KCNG2: variants seen among roughly 807,000 people sequenced by gnomAD.
KCNG2 encodes voltage-gated potassium channel regulatory subunit KCNG2.
KCNG2 carries 7 observed loss-of-function variants against 12.3 expected under a neutral mutation model. That is an observed-to-expected ratio of 0.57 (90% CI 0.32 to 1.07). The LOEUF is 1.07. Ranked by LOEUF, KCNG2 falls within the 50% of genes least tolerant of loss-of-function variation. KCNG2 has a pLI of 0.04. For missense variants in KCNG2, 703 were observed against 726.0 expected (o/e 0.97, Z 0.36); for synonymous variants, 414 against 351.4 (o/e 1.18, Z -1.99).
intron 3 of KCNG2, among the ~76,000 whole-genome samples, chr18:79,874,764 T>C (rs3809931): frequency 0.13 from 20,067 of 152,176 alleles, 2,483 homozygotes; most frequent in African/African-American, 0.32. Context: ...CCGGCCCAGG[T>C]GCGGTGGTGG....
chr18:79,864,015 G>A lies in KCNG2; in HGVS notation c.348G>A (p.Glu116=). 3 of 1,173,594 alleles carry A rather than the reference G, an allele frequency of 2.6e-6. No individual in the cohort carries two copies. The highest frequency in any genetic ancestry group is 1.1e-6 in the Non-Finnish European group (1 of 949,340). The allele number at this position is 1,173,594 out of a possible 1,614,324, so 72.7% of individuals were successfully genotyped here. The change falls in exon 3 of 4, where the codon GAG becomes GAA. Residue 116 remains glutamate (E), a synonymous_variant. Coordinates refer to ENST00000316249, the MANE Select transcript of KCNG2 (RefSeq NM_012283.2). ...AYWGIDEARL[E]RCCLRRLRRR... is the part of the protein sequence containing the mutation. ...GGGGCATCGACGAGGCGCGCCTGGA[G>A]CGCTGCTGCCTGCGCCGCCTGCGCC... is the stretch of plus-strand genomic sequence containing the variant.
intron 1 of KCNG2, among the ~76,000 whole-genome samples, chr18:79,829,136 G>A (rs1015020690): frequency 4.1e-5 from 6 of 145,464 alleles, no homozygotes; most frequent in African/African-American, 1.5e-4. Context: ...GCATGTGTCT[G>A]TGTGTGGGTG....
chr18:79,838,856 T>A (rs1978377676), intron 1 of KCNG2, among the ~76,000 whole-genome samples: 1 of 152,154 alleles, frequency 6.6e-6, no homozygotes, highest in South Asian at 2.1e-4. Context: ...ATGTACAATC[T>A]CAGGTCCCAC....
chr18:79,863,532 A>G, intron 2 of KCNG2, 96 bp from the exon 3 acceptor site: 1 of 998,364 alleles, frequency 1.0e-6, no homozygotes, highest in Non-Finnish European at 1.3e-6. Context: ...CTCACCTCCG[A>G]GGGTTCGGTG....
At chr18:79,881,508 A>C (rs1001208223) in intron 3 of KCNG2, among the ~76,000 whole-genome samples, 2 of 152,260 alleles carry the variant, frequency 1.3e-5, no homozygotes, top group Non-Finnish European at 2.9e-5. Context: ...TAATAGCACC[A>C]AAAACCATGA....
At chr18:79,890,875 A>G (rs1457374144) in intron 3 of KCNG2, among the ~76,000 whole-genome samples, 1 of 152,018 alleles carries the variant, frequency 6.6e-6, no homozygotes, top group Middle Eastern at 3.2e-3. Flanking sequence ...CTGCTTTATC[A>G]CCCTTTTTAT....
At chr18:79,829,110 C>T (rs1257483151) in intron 1 of KCNG2, among the ~76,000 whole-genome samples, 5 of 109,816 alleles carry the variant, frequency 4.6e-5, no homozygotes, top group East Asian at 2.8e-4. Flanking sequence ...GTGTGTGTAA[C>T]ATGTCCATGA....
Position 79,822,252 on chromosome 18 carries a change from G to T in KCNG2, c.-115+24238G>T, listed in dbSNP as rs2087576182. 6.6e-6 allele frequency among the ~76,000 whole-genome samples: 1 copy of T among 152,128 alleles called. No individual in the cohort carries two copies. Among genetic ancestry groups the T allele is most frequent in the African/African-American group, 2.4e-5 (1 of 41,406 alleles). ...CAGCTTCCTCCAGTGTTGGCAGAATGGTCCAGACCAGGGATTCCCACTGGC... is the reference window on the plus strand; with the variant it reads ...CAGCTTCCTCCAGTGTTGGCAGAATTGTCCAGACCAGGGATTCCCACTGGC... On this transcript the variant is annotated intron_variant, in intron 1 of 3. Transcript: ENST00000316249. This position sits in a 1 kb window ranked among gnomAD's most constrained non-coding sequence, Gnocchi z 4.4.
intron 1 of KCNG2, among the ~76,000 whole-genome samples, chr18:79,842,716 A>G (rs1446257566): frequency 6.6e-6 from 1 of 152,228 alleles, no homozygotes; most frequent in Non-Finnish European, 1.5e-5. Context: ...AGCACGCATG[A>G]TTGAATTGAA....
At chr18:79,834,120 G>A (rs550552096) in intron 1 of KCNG2, among the ~76,000 whole-genome samples, 39 of 152,274 alleles carry the variant, frequency 2.6e-4, no homozygotes, top group Admixed American at 2.0e-4. Context: ...TGTCGAGGTC[G>A]GTATCAGTGA....
intron 3 of KCNG2, among the ~76,000 whole-genome samples, chr18:79,892,873 TCACTC>T (rs1980796521): frequency 1.3e-5 from 2 of 152,184 alleles, no homozygotes; most frequent in East Asian, 1.9e-4. Flanking sequence ...ATTGGGTTCT[TCACTC>T]CATTCACGTC....
intron 2 of KCNG2, among the ~76,000 whole-genome samples, chr18:79,862,159 G>A (rs1287122780): frequency 6.6e-6 from 1 of 152,112 alleles, no homozygotes; most frequent in Admixed American, 6.5e-5. Context: ...CTGTCTATGA[G>A]CTACACTCTT....
At chr18:79,894,377 G>T (rs1980871849) in intron 3 of KCNG2, among the ~76,000 whole-genome samples, 1 of 149,326 alleles carries the variant, frequency 6.7e-6, no homozygotes, top group Admixed American at 6.7e-5. Flanking sequence ...TGATATAGTT[G>T]GGTCTGTGTC....
intron 2 of KCNG2, among the ~76,000 whole-genome samples, chr18:79,859,775 C>CAA (rs1979147373): frequency 6.6e-6 from 1 of 152,162 alleles, no homozygotes; most frequent in East Asian, 1.9e-4. Context: ...AGTGAACTGA[C>CAA]GGTAGATTTA....
chr18:79,831,714 GCGGACAGAGCC>G (rs1978297073), intron 1 of KCNG2, among the ~76,000 whole-genome samples: 2 of 66,622 alleles, frequency 3.0e-5, no homozygotes, highest in Middle Eastern at 6.4e-3. Context: ...AGGGTTCCCT[GCGGACAGAGCC>G]TTCATCAGGA....
At chr18:79,852,478 C>T (rs1367180379) in intron 1 of KCNG2, among the ~76,000 whole-genome samples, 3 of 152,248 alleles carry the variant, frequency 2.0e-5, no homozygotes, top group African/African-American at 4.8e-5. Context: ...ATTAAGGAAG[C>T]GGGGGAAGCG....
In KCNG2 at chr18:79,857,683, C is replaced by T. The variant is rs116721362; in HGVS notation, c.-41+1231C>T. On this transcript the variant is annotated intron_variant, in intron 2 of 3. Coordinates refer to ENST00000316249, the MANE Select transcript of KCNG2 (RefSeq NM_012283.2). ...AGGGCTTGACGTTGGCGGTGGAAGG[C>T]AGCGGCTCTCAAGCCTCAGTGATGA... is the stretch of plus-strand genomic sequence containing the variant. Among the ~76,000 whole-genome samples, 891 of 152,158 alleles carry T rather than the reference C, an allele frequency of 5.9e-3. 11 individuals carry two copies. Among genetic ancestry groups the T allele is most frequent in the African/African-American group, 0.02 (848 of 41,500 alleles).
intron 3 of KCNG2, among the ~76,000 whole-genome samples, chr18:79,877,897 C>T (rs1354431793): frequency 1.1e-4 from 16 of 152,276 alleles, no homozygotes; most frequent in Admixed American, 9.8e-4. Flanking sequence ...TGTGCCTGCT[C>T]AGCCTGGCCC....
intron 1 of KCNG2, among the ~76,000 whole-genome samples, chr18:79,828,367 G>T (rs1568248257): frequency 1.3e-5 from 2 of 151,554 alleles, no homozygotes; most frequent in Non-Finnish European, 2.9e-5. Context: ...TGTGTGTGCA[G>T]GTGTGTGTGT....
Sources: allele counts gnomAD v4.1 joint callset (sites outside exome capture counted in the v4.1 genomes callset), GRCh38; gene constraint gnomAD v4.1.1; non-coding constraint Gnocchi (gnomAD v3.1); transcripts MANE v1.5; gene names NCBI Gene and HGNC (gene_info 2026-07-23, HGNC 2026-07-21).